The following AFF2 variants were observed in gnomAD, a reference collection of about 807,000 sequenced individuals.
The protein encoded by AFF2 is AF4/FMR2 family member 2.
In AFF2, 14 loss-of-function variants were observed where a neutral mutation model predicts 76.9. The ratio of observed to expected loss-of-function variants is 0.18; its 90% CI spans 0.12 to 0.28. AFF2 has a LOEUF of 0.28. Ranked by LOEUF, AFF2 falls within the 10% of genes least tolerant of loss-of-function variation. AFF2 has a pLI of 1.00. For synonymous variants in AFF2, 398 were observed against 366.7 expected, an observed-to-expected ratio of 1.09 and a Z score of -0.98; for missense variants, 868 against 1,001.1, an observed-to-expected ratio of 0.87 and a Z score of 1.79.
intron 3 of AFF2, among the ~76,000 whole-genome samples, chrX:148,701,011 A>AGTGTGT (rs10675199): frequency 1.9e-3 from 113 of 61,000 alleles, no homozygotes; most frequent in South Asian, 4.7e-3. Context: ...AGAGAGAGAG[A>AGTGTGT]ATGTGTGTGT....
chrX:148,926,242 A>G (rs1557283762), intron 9 of AFF2, among the ~76,000 whole-genome samples: 1 of 112,277 alleles, frequency 8.9e-6, no homozygotes, highest in Admixed American at 9.4e-5. Flanking sequence ...GGGAAGCATC[A>G]AGGCTGTACT....
intron 7 of AFF2, among the ~76,000 whole-genome samples, chrX:148,871,527 T>A (rs1311498760): frequency 8.9e-6 from 1 of 111,927 alleles, no homozygotes; most frequent in Non-Finnish European, 1.9e-5. Flanking sequence ...TCTTCTGTAA[T>A]CACTAAAATG....
intron 3 of AFF2, among the ~76,000 whole-genome samples, chrX:148,807,470 A>C (rs1230567036): frequency 1.8e-5 from 2 of 111,903 alleles, no homozygotes; most frequent in Non-Finnish European, 3.8e-5. Context: ...ATTTGGAAAA[A>C]CTAGAACTCA....
At chrX:148,813,456 AAAAC>A (rs1379446558) in intron 4 of AFF2, among the ~76,000 whole-genome samples, 1 of 112,570 alleles carries the variant, frequency 8.9e-6, no homozygotes, top group Non-Finnish European at 1.9e-5. Flanking sequence ...AAATAATAAT[AAAAC>A]AATAGCAAAT....
chrX:148,604,455 C>T (rs1373450648), intron 1 of AFF2, among the ~76,000 whole-genome samples: 1 of 112,270 alleles, frequency 8.9e-6, no homozygotes, highest in Non-Finnish European at 1.9e-5. Context: ...TGCAGTGGCA[C>T]GCTCATAGCT....
intron 1 of AFF2, among the ~76,000 whole-genome samples, chrX:148,512,130 T>C (rs886266212): frequency 2.6e-4 from 29 of 111,723 alleles, no homozygotes; most frequent in African/African-American, 9.4e-4. Flanking sequence ...CTTATCTGAA[T>C]ATTAATTACA....
chrX:148,623,493 A>C (rs782503553), intron 1 of AFF2, among the ~76,000 whole-genome samples: 4 of 109,892 alleles, frequency 3.6e-5, no homozygotes, highest in Admixed American at 2.9e-4. Flanking sequence ...AAACTGACTG[A>C]GAGAAGAACT....
chrX:148,822,480 T>G (rs782173461), intron 4 of AFF2: 1 of 111,431 alleles, frequency 9.0e-6, no homozygotes, highest in South Asian at 3.8e-4. Context: ...ATACCATTGT[T>G]ATAGTCCATT....
At chrX:148,807,474 G>T (rs2070150958) in intron 3 of AFF2, among the ~76,000 whole-genome samples, 1 of 111,740 alleles carries the variant, frequency 8.9e-6, no homozygotes, top group Admixed American at 9.5e-5. Flanking sequence ...GGAAAAACTA[G>T]AACTCAGAAA....
Position 148,737,450 on chromosome X carries a change from T to G in AFF2, c.1042-72426T>G, listed in dbSNP as rs942728914. On this transcript the variant is annotated intron_variant, in intron 3 of 20. Coordinates refer to ENST00000370460, the MANE Select transcript of AFF2 (RefSeq NM_002025.4). ...TGTGGTGTATAGCAGAGCTACTGATTTGTGTACATTAATCTTGTATCTGGA... is the reference window on the plus strand; with the variant it reads ...TGTGGTGTATAGCAGAGCTACTGATGTGTGTACATTAATCTTGTATCTGGA... Among the ~76,000 whole-genome samples the G allele has an allele frequency of 1.1e-4, 12 of 112,060 alleles. No homozygotes were observed. In the Admixed American group the frequency reaches 1.1e-3, roughly 11 times the overall value.
intron 9 of AFF2, among the ~76,000 whole-genome samples, chrX:148,932,724 T>C (rs1295277493): frequency 1.8e-5 from 2 of 112,628 alleles, no homozygotes; most frequent in Non-Finnish European, 3.7e-5. Context: ...CTTTTGTTCC[T>C]GTTTTCTGTT....
chrX:148,981,926 A>G (rs1163277770), intron 19 of AFF2, among the ~76,000 whole-genome samples: 1 of 112,343 alleles, frequency 8.9e-6, no homozygotes, highest in Non-Finnish European at 1.9e-5. Flanking sequence ...ACTTCACTGA[A>G]AGGAAGCACT....
intron 9 of AFF2, among the ~76,000 whole-genome samples, chrX:148,933,546 G>A (rs2071738126): frequency 9.0e-6 from 1 of 111,468 alleles, no homozygotes; most frequent in South Asian, 3.8e-4. Context: ...CTTGTATCAG[G>A]GTAGTGGTGA....
rs1197994069 is a variant in AFF2 at position 148,618,392 on chromosome X, A to C, written c.48-33607A>C. Among the ~76,000 whole-genome samples, 3 of 111,281 alleles carry C rather than the reference A, an allele frequency of 2.7e-5. No homozygotes were observed. The Admixed American group carries it at 2.9e-4, about 11-fold the overall frequency. ...TTCTTCACATGGTGGCAGGAAGGAG[A>C]AGTGCCGACCAAAGGGGGAAAAGCT... On this transcript the variant is annotated intron_variant, in intron 1 of 20. Transcript: ENST00000370460.
At chrX:148,522,730 G>A (rs1320978366) in intron 1 of AFF2, among the ~76,000 whole-genome samples, 5 of 111,762 alleles carry the variant, frequency 4.5e-5, no homozygotes, top group African/African-American at 1.6e-4. Context: ...CTAGGCAAGA[G>A]TGGTATCACA....
At chrX:148,767,098 T>C (rs1226008305) in intron 3 of AFF2, among the ~76,000 whole-genome samples, 1 of 110,765 alleles carries the variant, frequency 9.0e-6, no homozygotes, top group Non-Finnish European at 1.9e-5. Context: ...TTTGTACAGG[T>C]AAAACAGTTG....
chrX:148,518,988 C>CA (rs1321082218), intron 1 of AFF2, among the ~76,000 whole-genome samples: 4 of 111,672 alleles, frequency 3.6e-5, no homozygotes, highest in African/African-American at 1.3e-4. Context: ...ATTTTTTTCT[C>CA]AAAAAATTAA....
At chrX:148,559,261 A>G (rs1277843844) in intron 1 of AFF2, among the ~76,000 whole-genome samples, 5 of 111,687 alleles carry the variant, frequency 4.5e-5, no homozygotes, top group African/African-American at 1.6e-4. Flanking sequence ...AAAATCCACA[A>G]TGAATAAACA....
chrX:148,771,990 A>G (rs782471539), intron 3 of AFF2, among the ~76,000 whole-genome samples: 71 of 111,894 alleles, frequency 6.3e-4, no homozygotes, highest in African/African-American at 2.1e-3. Flanking sequence ...GAAACCTGCA[A>G]GATTCATGCA....
Sources: allele counts gnomAD v4.1 joint callset (sites outside exome capture counted in the v4.1 genomes callset), GRCh38; gene constraint gnomAD v4.1.1; transcripts MANE v1.5; gene names NCBI Gene and HGNC (gene_info 2026-07-23, HGNC 2026-07-21).